The following AMZ1 variants were observed in gnomAD, a reference collection of about 807,000 sequenced individuals.
AMZ1 encodes the protein archaelysin family metallopeptidase 1, also known as archaemetzincin-1.
A neutral mutation model predicts 29.9 loss-of-function variants in AMZ1; 39 were observed. The ratio of observed to expected loss-of-function variants is 1.30; its 90% CI spans 1.01 to 1.70. The LOEUF (loss-of-function observed/expected upper bound fraction) is 1.70, where lower values mean the gene tolerates loss of function less well. Ranked by LOEUF, AMZ1 falls within the 40% of genes most tolerant of loss-of-function variation. The probability of loss-of-function intolerance (pLI) is 0.00; values close to 1 mark genes in which losing one functional copy is unlikely to be tolerated. For missense variants in AMZ1, 1,041 were observed against 680.6 expected, an observed-to-expected ratio of 1.53 and a Z score of -5.89; for synonymous variants, 458 against 304.0, an observed-to-expected ratio of 1.51 and a Z score of -5.27.
In AMZ1 at chr7:2,717,232, T is replaced by C. The variant is rs184212502; in HGVS notation, c.*4354T>C. ...GGGCTTCACTGATTTGTTTTGTTTA[T>C]AAAAGGAGGGCGAGGCCTGCACAGG... is the stretch of plus-strand genomic sequence containing the variant. On this transcript the variant is annotated 3_prime_UTR_variant, in exon 7 of 7. Coordinates refer to ENST00000683327, the MANE Select transcript of AMZ1 (RefSeq NM_001384743.1). Among the ~76,000 whole-genome samples, 225 of 152,304 alleles carry C rather than the reference T, an allele frequency of 1.5e-3. 1 individual carries two copies. Among genetic ancestry groups the C allele is most frequent in the Non-Finnish European group, 2.5e-3 (167 of 68,026 alleles).
chr7:2,685,956 T>C (rs1301474408), upstream of AMZ1, among the ~76,000 whole-genome samples: 3 of 152,120 alleles, frequency 2.0e-5, no homozygotes, highest in Middle Eastern at 3.4e-3. Flanking sequence ...GCAACACGTG[T>C]GAAGAAGTGC....
chr7:2,718,910 G>A lies in AMZ1; in HGVS notation c.*6032G>A, dbSNP rs1461409068. 3.9e-5 allele frequency among the ~76,000 whole-genome samples: 6 copies of A among 152,196 alleles called. No homozygotes were observed. The highest frequency in any genetic ancestry group is 1.4e-4 in the African/African-American group (6 of 41,442). ...AGGCAGAGAACACGCTTTTCTCAGG[G>A]TCGCTTAACACAGGCAGGGGTACAG... On this transcript the variant is annotated 3_prime_UTR_variant, in exon 7 of 7. Coordinates refer to ENST00000683327, the MANE Select transcript of AMZ1 (RefSeq NM_001384743.1).
intron 1 of AMZ1, among the ~76,000 whole-genome samples, chr7:2,682,070 A>C (rs1786901471): frequency 6.6e-6 from 1 of 152,090 alleles, no homozygotes; most frequent in African/African-American, 2.4e-5. Flanking sequence ...TGCTCTCTGG[A>C]GGGAACAAGG....
At chr7:2,704,265 G>C (rs1427855859) in intron 3 of AMZ1, among the ~76,000 whole-genome samples, 1 of 152,212 alleles carries the variant, frequency 6.6e-6, no homozygotes, top group Non-Finnish European at 1.5e-5. Flanking sequence ...TACTTTGAGA[G>C]GCTGAGGTGG....
rs1386193490 is a variant in AMZ1, at chr7:2,709,096, C to T, written c.623C>T (p.Ala208Val). 4 of 1,598,830 alleles carry T rather than the reference C, an allele frequency of 2.5e-6. No homozygotes were observed. The highest frequency in any genetic ancestry group is 3.4e-6 in the Non-Finnish European group (4 of 1,172,518). Reference sequence around the variant, plus strand: ...CCAGAAGTGGGCGTCTGCAGCTTCGCCCGGTTCTCAGGGGAATTCCCGAAG... The same window carrying T: ...CCAGAAGTGGGCGTCTGCAGCTTCGTCCGGTTCTCAGGGGAATTCCCGAAG... ...PGHEVGVCSF[A>V]RFSGEFPKSG... The change falls in exon 5 of 7, where the codon GCC becomes GTC. Residue 208 changes from alanine to valine, a missense_variant. Ala to Val is a moderately conservative substitution (Grantham distance 64). Transcript: ENST00000683327.
At chr7:2,739,368 G>C (rs1002030581) in intron 4 of AMZ1, among the ~76,000 whole-genome samples, 2 of 152,148 alleles carry the variant, frequency 1.3e-5, no homozygotes, top group African/African-American at 4.8e-5. Context: ...TCATTGGAGC[G>C]CATTCACACA....
chr7:2,734,143 T>C (rs536966573), intron 4 of AMZ1, among the ~76,000 whole-genome samples: 13 of 152,256 alleles, frequency 8.5e-5, no homozygotes, highest in East Asian at 5.8e-4. Flanking sequence ...ACGTGTTCCA[T>C]AGTGCGAAGG....
At chr7:2,765,130 A>C (rs1049371388) in intron 1 of AMZ1, 1 of 152,134 alleles carries the variant, frequency 6.6e-6, no homozygotes, top group Non-Finnish European at 1.5e-5. Flanking sequence ...ATCTAAGGGA[A>C]AAAAAGAATC....
downstream of AMZ1, among the ~76,000 whole-genome samples, chr7:2,722,993 GTAAAA>G (rs1216818927): frequency 1.3e-5 from 2 of 148,774 alleles, no homozygotes; most frequent in Admixed American, 6.6e-5. Context: ...ATAAAATAAA[GTAAAA>G]TAAAATAAAA....
At chr7:2,730,043 G>C (rs1228936305) in intron 4 of AMZ1, 1 of 152,368 alleles carries the variant, frequency 6.6e-6, no homozygotes, top group Non-Finnish European at 1.5e-5. Context: ...GCGGCGAACA[G>C]GCACGGCTGT....
intron 4 of AMZ1, among the ~76,000 whole-genome samples, chr7:2,740,075 A>G (rs1034061645): frequency 3.3e-5 from 5 of 152,122 alleles, no homozygotes; most frequent in African/African-American, 1.2e-4. Context: ...AAAGTTTCCA[A>G]TTTATCCACA....
At position 2,712,724 on chromosome 7, in the gene AMZ1, C is replaced by T. The variant is rs369125900; in HGVS notation, c.1343C>T (p.Pro448Leu). Residue 448 changes from proline (P) to leucine (L), a missense_variant, in exon 7 of 7, where the codon CCG becomes CTG. By Grantham distance (98) the Pro-to-Leu change is moderately conservative (BLOSUM62 -3). Transcript: ENST00000683327. Reference protein sequence around the residue: ...DRWEMFTGQLPATRQDPPSSR... With the variant: ...DRWEMFTGQLLATRQDPPSSR... ...TGGGAGATGTTCACGGGCCAGCTCC[C>T]GGCCACCAGGCAGGACCCACCCAGC... 282 of 1,608,590 alleles carry T rather than the reference C, an allele frequency of 1.8e-4. No homozygotes were observed. Among genetic ancestry groups the T allele is most frequent in the East Asian group, 8.0e-4 (36 of 44,824 alleles).
intron 4 of AMZ1, among the ~76,000 whole-genome samples, chr7:2,753,068 A>G (rs992811668): frequency 6.6e-6 from 1 of 152,104 alleles, no homozygotes; most frequent in African/African-American, 2.4e-5. Flanking sequence ...TTCCATCTCT[A>G]GAATGTATAG....
intron 4 of AMZ1, among the ~76,000 whole-genome samples, chr7:2,740,315 G>A (rs1003690048): frequency 1.8e-4 from 28 of 152,150 alleles, no homozygotes; most frequent in Non-Finnish European, 4.0e-4. Context: ...GGGACTTTGG[G>A]AGGTGACTGA....
intron 4 of AMZ1, among the ~76,000 whole-genome samples, chr7:2,747,851 C>CATTCTTAT (rs1237608189): frequency 6.6e-6 from 1 of 152,158 alleles, no homozygotes; most frequent in Non-Finnish European, 1.5e-5. Context: ...AAATTACAAG[C>CATTCTTAT]ATTCTTATAC....
rs1246448161 is a variant in AMZ1 at position 2,731,493 on chromosome 7, C to T, written n.550+21677C>T. The stretch of plus-strand genomic sequence containing the variant: ...AGAAGAGCTTGTTGTTGACGATGGT[C>T]TCGAAGATGTTCATGGACTCCACCA... On this transcript the variant is annotated intron_variant and non_coding_transcript_variant, in intron 4 of 4. Transcript: ENST00000489665. This position sits in a 1 kb window ranked among gnomAD's most constrained non-coding sequence, Gnocchi z 6.0. 12 of 1,613,796 alleles carry T rather than the reference C, an allele frequency of 7.4e-6. No homozygotes were observed. The highest frequency in any genetic ancestry group is 3.3e-4 in the Middle Eastern group (2 of 6,058).
At chr7:2,722,043 C>T (rs1438095756), downstream of AMZ1, among the ~76,000 whole-genome samples, 2 of 152,170 alleles carry the variant, frequency 1.3e-5, no homozygotes, top group Non-Finnish European at 2.9e-5. Flanking sequence ...CGGTTCCTTT[C>T]TGTATTTAAG....
chr7:2,751,326 G>A (rs1791025163), intron 4 of AMZ1, among the ~76,000 whole-genome samples: 1 of 151,766 alleles, frequency 6.6e-6, no homozygotes, highest in Non-Finnish European at 1.5e-5. Flanking sequence ...AGAAGGCCGA[G>A]GCTGCAGTGA....
At chr7:2,746,533 A>T (rs184440087) in intron 4 of AMZ1, among the ~76,000 whole-genome samples, 23,009 of 152,140 alleles carry the variant, frequency 0.15, 1,887 homozygotes, top group Non-Finnish European at 0.2. Flanking sequence ...GTAGAGGGAA[A>T]TTTATAGCAC....
Sources: gnomAD v4.1 joint callset for allele counts (sites outside exome capture counted in the v4.1 genomes callset) on GRCh38, gnomAD v4.1.1 for gene constraint, Gnocchi (gnomAD v3.1) non-coding constraint, MANE v1.5 for transcripts, NCBI Gene and HGNC (gene_info 2026-07-23, HGNC 2026-07-21) for gene names.